SLC15A2: variants seen among roughly 807,000 people sequenced by gnomAD.
SLC15A2 encodes solute carrier family 15 member 2, also known as kidney H(+)/peptide cotransporter.
A neutral mutation model predicts 95.5 loss-of-function variants in SLC15A2; 77 were observed. The ratio of observed to expected loss-of-function variants is 0.81; its 90% confidence interval spans 0.67 to 0.97. SLC15A2 has a LOEUF of 0.97. Ranked by LOEUF, SLC15A2 falls within the 50% of genes least tolerant of loss-of-function variation. The probability of loss-of-function intolerance (pLI) is 0.00; values close to 1 mark genes in which losing one functional copy is unlikely to be tolerated. For missense variants in SLC15A2, 893 were observed against 874.4 expected (o/e 1.02, Z -0.27); for synonymous variants, 306 against 306.9 (o/e 1.00, Z 0.03).
At chr3:121,931,046 T>C (rs1710223645) in intron 18 of SLC15A2, 96 bp downstream of exon 18, 1 of 759,280 alleles carries the variant, frequency 1.3e-6, no homozygotes, top group Non-Finnish European at 2.3e-6. Context: ...GTGCATGTGG[T>C]CTAATTTTGA....
chr3:121,938,049 TG>T (rs1010104649), intron 19 of SLC15A2, among the ~76,000 whole-genome samples: 3 of 151,752 alleles, frequency 2.0e-5, no homozygotes, highest in South Asian at 2.1e-4. Context: ...CTGCCCCTGC[TG>T]GGGGGTGCCT....
intron 7 of SLC15A2, among the ~76,000 whole-genome samples, chr3:121,916,029 C>T (rs1216749319): frequency 6.6e-6 from 1 of 152,000 alleles, no homozygotes; most frequent in Admixed American, 6.6e-5. Context: ...CTCTACACTA[C>T]AATATATAGG....
intron 2 of SLC15A2, among the ~76,000 whole-genome samples, chr3:121,896,706 C>T (rs1709419692): frequency 6.6e-6 from 1 of 151,948 alleles, no homozygotes; most frequent in Admixed American, 6.6e-5. Context: ...CTGAGACAAA[C>T]CAGAACATAG....
At chr3:121,904,148 G>T (rs1709581718) in intron 3 of SLC15A2, among the ~76,000 whole-genome samples, 4 of 152,112 alleles carry the variant, frequency 2.6e-5, no homozygotes, top group Non-Finnish European at 2.9e-5. Context: ...TTGGCTCTCT[G>T]TTTGTCTGTT....
intron 16 of SLC15A2, 24 bp from the exon 17 acceptor site, chr3:121,929,278 G>A (rs369987867): frequency 1.2e-6 from 2 of 1,613,034 alleles, no homozygotes; most frequent in African/African-American, 2.7e-5. Flanking sequence ...AGCTGTTACT[G>A]ATTTTTACTT....
chr3:121,906,150 G>T (rs988453707), intron 3 of SLC15A2, among the ~76,000 whole-genome samples: 2 of 151,960 alleles, frequency 1.3e-5, no homozygotes, highest in Non-Finnish European at 2.9e-5. Flanking sequence ...AGTCTGTTTT[G>T]TCAGAGACTA....
rs141931551 is a variant in SLC15A2, at chr3:121,938,739, G to A, written c.1762-610G>A. Among the ~76,000 whole-genome samples, 25 of 152,306 alleles carry A rather than the reference G, an allele frequency of 1.6e-4. 1 individual carries two copies. In the East Asian group the frequency reaches 3.3e-3, roughly 20 times the overall value. ...ATCACCCGTCTTCTGCATTGCTCAC[G>A]CTGGGAACTGTAGACCGGAGCTGTT... On this transcript the variant is annotated intron_variant, in intron 19 of 21. Coordinates refer to ENST00000489711, the MANE Select transcript of SLC15A2 (RefSeq NM_021082.4).
At position 121,940,391 on chromosome 3, in the gene SLC15A2, C is replaced by G. The variant is rs1559856721; in HGVS notation, c.1916C>G (p.Ser639Cys). Residue 639 changes from serine (S) to cysteine (C), a missense_variant, in exon 21 of 22, where the codon TCT becomes TGT. By Grantham distance (112) the Ser-to-Cys change is moderately radical. Coordinates refer to ENST00000489711, the MANE Select transcript of SLC15A2 (RefSeq NM_021082.4). ...AACTTGTGTCATCCCCAGGCTCCCT[C>G]TAGCATGAAATCTGTGCTCCAGGCA... Reference protein sequence around the residue: ...GLEFSYSQAPSSMKSVLQAAW... With the variant: ...GLEFSYSQAPCSMKSVLQAAW... 6.2e-7 allele frequency: 1 copy of G among 1,613,742 alleles called. No individual in the cohort carries two copies. Among genetic ancestry groups the G allele is most frequent in the Non-Finnish European group, 8.5e-7 (1 of 1,179,710 alleles).
At chr3:121,909,704 A>G (rs1412315268) in intron 3 of SLC15A2, among the ~76,000 whole-genome samples, 1 of 151,944 alleles carries the variant, frequency 6.6e-6, no homozygotes, top group Non-Finnish European at 1.5e-5. Context: ...TCTTTCATTC[A>G]TTTAGTCCAA....
chr3:121,938,391 G>A (rs981847640), intron 19 of SLC15A2, among the ~76,000 whole-genome samples: 3 of 152,214 alleles, frequency 2.0e-5, no homozygotes, highest in Non-Finnish European at 4.4e-5. Flanking sequence ...TTTGATCTCA[G>A]ACTGCTGTGC....
chr3:121,904,280 A>G (rs1344959422), intron 3 of SLC15A2, among the ~76,000 whole-genome samples: 6 of 152,318 alleles, frequency 3.9e-5, no homozygotes, highest in Middle Eastern at 3.4e-3. Context: ...TAGATATACA[A>G]TCATGTCATC....
chr3:121,928,301 G>T, intron 14 of SLC15A2, 120 bp from the exon 15 acceptor site: 1 of 1,239,730 alleles, frequency 8.1e-7, no homozygotes. Flanking sequence ...TTTTTCAGAG[G>T]GAGAAAACTA....
At chr3:121,911,464 C>T in intron 3 of SLC15A2, 110 bp from the exon 4 acceptor site, 3 of 679,450 alleles carry the variant, frequency 4.4e-6, no homozygotes, top group South Asian at 1.8e-5. Flanking sequence ...CTCCTCCCTC[C>T]TCCTCCTCCT....
chr3:121,924,902 A>G, intron 12 of SLC15A2, 43 bp from the exon 13 acceptor site: 1 of 1,359,974 alleles, frequency 7.4e-7, no homozygotes, highest in Non-Finnish European at 1.1e-6. Flanking sequence ...CACTCATGAT[A>G]GGAGAATATT....
At chr3:121,899,100 C>T (rs559737893) in intron 3 of SLC15A2, among the ~76,000 whole-genome samples, 1 of 152,204 alleles carries the variant, frequency 6.6e-6, no homozygotes, top group East Asian at 1.9e-4. Flanking sequence ...ACATGACATA[C>T]CACTTTTATT....
chr3:121,931,690 G>A lies in SLC15A2; in HGVS notation c.1716G>A (p.Leu572=). The A allele has an allele frequency of 6.2e-7, 1 of 1,613,572 alleles. No individual in the cohort carries two copies. The highest frequency in any genetic ancestry group is 8.5e-7 in the Non-Finnish European group (1 of 1,179,598). ...AAGATAAGAACTTTTCTCTGAATTT[G>A]GGTCTTCTAGACTTTGGTGCAGCAT... is the stretch of plus-strand genomic sequence containing the variant. ...RTEDKNFSLN[L]GLLDFGAAYL... is the part of the protein sequence containing the mutation. The change falls in exon 19 of 22, where the codon TTG becomes TTA. Residue 572 remains leucine, a synonymous_variant. Transcript: ENST00000489711.
intron 3 of SLC15A2, among the ~76,000 whole-genome samples, chr3:121,907,045 AT>A: frequency 6.6e-6 from 1 of 152,040 alleles, no homozygotes; most frequent in Admixed American, 6.5e-5. Flanking sequence ...GGCTTTGTTC[AT>A]TTCTTTTTAC....
intron 3 of SLC15A2, among the ~76,000 whole-genome samples, chr3:121,898,142 A>G (rs186333642): frequency 2.3e-3 from 351 of 150,642 alleles, no homozygotes; most frequent in Non-Finnish European, 3.4e-3. Flanking sequence ...AGCCTGGGCA[A>G]CAGAAAAAGA....
intron 7 of SLC15A2, among the ~76,000 whole-genome samples, chr3:121,918,155 G>T (rs562635714): frequency 1.3e-3 from 202 of 152,276 alleles, no homozygotes; most frequent in Admixed American, 3.5e-3. Context: ...TTTGATACTT[G>T]CTTAAATTTA....
Sources: gnomAD v4.1 joint callset for allele counts (sites outside exome capture counted in the v4.1 genomes callset) on GRCh38, gnomAD v4.1.1 for gene constraint, MANE v1.5 for transcripts, NCBI Gene and HGNC (gene_info 2026-07-23, HGNC 2026-07-21) for gene names.